OPRM1: variants seen among roughly 807,000 people sequenced by gnomAD.
OPRM1 encodes opioid receptor mu 1.
A neutral mutation model predicts 31.8 loss-of-function variants in OPRM1; 27 were observed. The ratio of observed to expected loss-of-function variants is 0.85; its 90% confidence interval spans 0.63 to 1.17. OPRM1 has a LOEUF of 1.17. OPRM1 is among the 50% of genes most tolerant of loss of function. OPRM1 has a pLI of 0.00. For missense variants in OPRM1, 536 were observed against 511.1 expected (o/e 1.05, Z -0.47); for synonymous variants, 196 against 189.9 (o/e 1.03, Z -0.26).
chr6:154,015,684 T>G (rs1777965197), intron 1 of OPRM1, among the ~76,000 whole-genome samples: 1 of 151,926 alleles, frequency 6.6e-6, no homozygotes, highest in South Asian at 2.1e-4. Flanking sequence ...ATATTTTTGG[T>G]ATGGCAAAAT....
At chr6:154,064,611 T>C (rs1785011452) in intron 1 of OPRM1, among the ~76,000 whole-genome samples, 2 of 152,188 alleles carry the variant, frequency 1.3e-5, no homozygotes, top group African/African-American at 4.8e-5. Context: ...TTAAGGGTTG[T>C]ATAATTTTAG....
intron 1 of OPRM1, among the ~76,000 whole-genome samples, chr6:154,024,276 A>T (rs1239920615): frequency 6.6e-6 from 1 of 151,938 alleles, no homozygotes; most frequent in East Asian, 1.9e-4. Flanking sequence ...GGTAGGTTGT[A>T]TGTGTCCAAG....
chr6:154,146,925 A>G (rs925289271), intron 3 of OPRM1, among the ~76,000 whole-genome samples: 19 of 152,338 alleles, frequency 1.2e-4, no homozygotes, highest in South Asian at 6.2e-4. Context: ...TAAGCTAATT[A>G]ACAAAACAGT....
Position 154,090,171 on chromosome 6 carries a change from C to T in OPRM1, c.636C>T (p.Tyr212=). 3.7e-6 allele frequency: 6 copies of T among 1,608,172 alleles called. No individual in the cohort carries two copies. The highest frequency in any genetic ancestry group is 5.1e-6 in the Non-Finnish European group (6 of 1,175,850). Residue 212 remains tyrosine (Y), a synonymous_variant, in exon 2 of 4, where the codon TAC becomes TAT. Transcript: ENST00000330432. ...TAATGTTCATGGCTACAACAAAATA[C>T]AGGCAAGGTGAGTGATGTTACCAGC... ...LPVMFMATTK[Y]RQGSIDCTLT... is the part of the protein sequence containing the mutation.
intron 1 of OPRM1, among the ~76,000 whole-genome samples, chr6:154,033,731 C>T (rs1298490052): frequency 6.6e-6 from 1 of 152,102 alleles, no homozygotes; most frequent in Non-Finnish European, 1.5e-5. Flanking sequence ...AAGAAAGAAG[C>T]TGAGACATTT....
chr6:154,034,797 G>A (rs1779207298), upstream of OPRM1, among the ~76,000 whole-genome samples: 1 of 152,134 alleles, frequency 6.6e-6, no homozygotes, highest in Admixed American at 6.5e-5. Flanking sequence ...AAATTGAAGA[G>A]CAAGACTTGA....
intron 3 of OPRM1, among the ~76,000 whole-genome samples, chr6:154,164,411 A>G (rs937416421): frequency 3.3e-5 from 5 of 152,226 alleles, no homozygotes; most frequent in African/African-American, 1.2e-4. Context: ...ATACAGAAGA[A>G]GGAAATTAAT....
intron 3 of OPRM1, among the ~76,000 whole-genome samples, chr6:154,237,375 CG>C (rs1344538721): frequency 6.6e-6 from 1 of 152,140 alleles, no homozygotes; most frequent in Non-Finnish European, 1.5e-5. Context: ...ATCCTTTACA[CG>C]GGGTCGGTAG....
chr6:154,039,507 C>A lies in OPRM1; in HGVS notation c.-38C>A, dbSNP rs9282815. ...ACCCGAAAAGTCTCGGTGCTCCTGGCTACCTCGCACAGCGGTGCCCGCCCG... is the reference window on the plus strand; with the variant it reads ...ACCCGAAAAGTCTCGGTGCTCCTGGATACCTCGCACAGCGGTGCCCGCCCG... On this transcript the variant is annotated 5_prime_UTR_variant, in exon 1 of 4. Transcript: ENST00000330432. 1.4e-3 allele frequency: 2,221 copies of A among 1,583,090 alleles called. 45 individuals are homozygous for A. In the African/African-American group the frequency reaches 0.027, roughly 19 times the overall value.
At chr6:154,094,339 G>A (rs569754097) in intron 3 of OPRM1, 8 of 644,848 alleles carry the variant, frequency 1.2e-5, no homozygotes, top group South Asian at 1.0e-4. Flanking sequence ...AAGCCAATGA[G>A]AAAATTCTGT....
intron 3 of OPRM1, among the ~76,000 whole-genome samples, chr6:154,096,206 G>A (rs9479760): frequency 0.1 from 15,417 of 152,004 alleles, 869 homozygotes; most frequent in African/African-American, 0.13. Flanking sequence ...ACAGGCATGC[G>A]CCACCACACC....
At chr6:154,177,873 A>G (rs1418140746) in intron 3 of OPRM1, among the ~76,000 whole-genome samples, 1 of 152,214 alleles carries the variant, frequency 6.6e-6, no homozygotes, top group African/African-American at 2.4e-5. Flanking sequence ...ACAATAGCAA[A>G]GACTTGTAAC....
chr6:154,142,430 G>A (rs906194471), intron 3 of OPRM1, among the ~76,000 whole-genome samples: 8 of 152,046 alleles, frequency 5.3e-5, no homozygotes, highest in Non-Finnish European at 1.2e-4. Flanking sequence ...CAGAAAAGGC[G>A]AGAACACCTC....
chr6:154,225,380 C>T (rs1253045189), intron 3 of OPRM1, among the ~76,000 whole-genome samples: 2 of 152,154 alleles, frequency 1.3e-5, no homozygotes, highest in Non-Finnish European at 2.9e-5. Flanking sequence ...ATTAATTGTG[C>T]TGTATCTATA....
chr6:154,223,340 C>T (rs1401720942), intron 3 of OPRM1: 6 of 948,336 alleles, frequency 6.3e-6, no homozygotes, highest in Non-Finnish European at 9.9e-6. Context: ...GTATAAATGA[C>T]ATGAGGGAGA....
rs1797293565 is a variant in OPRM1 at position 154,121,436 on chromosome 6, G to A, written c.*2715G>A. On this transcript the variant is annotated 3_prime_UTR_variant, in exon 4 of 4. Coordinates refer to ENST00000330432, the MANE Select transcript of OPRM1 (RefSeq NM_000914.5). ...TCCTATCCCAACAGGGCTGTCAGAC[G>A]GAGAACTCCTAATGTGGCCATTTGA... is the stretch of plus-strand genomic sequence containing the variant. Among the ~76,000 whole-genome samples, 1 of 152,148 alleles carries A rather than the reference G, an allele frequency of 6.6e-6. No homozygotes were observed. The highest frequency in any genetic ancestry group is 2.4e-5 in the African/African-American group (1 of 41,430).
chr6:154,109,109 C>T (rs748512166), intron 3 of OPRM1: 23 of 838,006 alleles, frequency 2.7e-5, no homozygotes, highest in South Asian at 2.7e-4. Context: ...ACTTCAGGAA[C>T]GAAATAAGCA....
At chr6:154,223,562 G>T (rs1242819399) in intron 3 of OPRM1, among the ~76,000 whole-genome samples, 3 of 151,666 alleles carry the variant, frequency 2.0e-5, no homozygotes. Context: ...TAACCCAACA[G>T]TCATGTCTGC....
intron 3 of OPRM1, among the ~76,000 whole-genome samples, chr6:154,197,584 A>G (rs1776715669): frequency 6.6e-6 from 1 of 152,258 alleles, no homozygotes; most frequent in Non-Finnish European, 1.5e-5. Context: ...ATGTAACTCA[A>G]AACTAAATAA....
Sources: allele counts gnomAD v4.1 joint callset (sites outside exome capture counted in the v4.1 genomes callset), GRCh38; gene constraint gnomAD v4.1.1; transcripts MANE v1.5; gene names NCBI Gene and HGNC (gene_info 2026-07-23, HGNC 2026-07-21).